CTNNAL1: variants seen among roughly 807,000 people sequenced by gnomAD.
CTNNAL1 encodes the protein catenin alpha like 1.
CTNNAL1 carries 69 observed loss-of-function variants against 93.6 expected under a neutral mutation model. The observed-to-expected ratio is 0.74, with a 90% CI of 0.61 to 0.90. The LOEUF is 0.90. Ranked by LOEUF, CTNNAL1 falls within the 40% of genes least tolerant of loss-of-function variation. The pLI is 0.00. For synonymous variants in CTNNAL1, 286 were observed against 305.4 expected (o/e 0.94, Z 0.66); for missense variants, 836 against 862.0 (o/e 0.97, Z 0.38).
At chr9:108,962,823 T>TA (rs1564128039) in intron 11 of CTNNAL1, among the ~76,000 whole-genome samples, 1 of 152,252 alleles carries the variant, frequency 6.6e-6, no homozygotes, top group African/African-American at 2.4e-5. Flanking sequence ...TCTTCACACT[T>TA]ACCATATTAG....
At chr9:108,982,383 G>C (rs533870047) in intron 6 of CTNNAL1, among the ~76,000 whole-genome samples, 1 of 152,290 alleles carries the variant, frequency 6.6e-6, no homozygotes, top group Non-Finnish European at 1.5e-5. Context: ...TATTACTGTT[G>C]ATTTTTAAAT....
intron 11 of CTNNAL1, among the ~76,000 whole-genome samples, chr9:108,962,268 G>C (rs900417530): frequency 6.6e-6 from 1 of 152,176 alleles, no homozygotes; most frequent in African/African-American, 2.4e-5. Context: ...AGAGATGGCA[G>C]CTACTATTAT....
Position 108,979,547 on chromosome 9 carries a change from G to GT in CTNNAL1, c.901-67dup, listed in dbSNP as rs1831366339. 4 of 1,471,012 alleles carry GT rather than the reference G, an allele frequency of 2.7e-6. No individual in the cohort carries two copies. In the Admixed American group the frequency reaches 7.4e-5, roughly 27 times the overall value. 91.1% of individuals were successfully genotyped at this position (1,471,012 alleles called of 1,614,324 possible). A position where few individuals can be genotyped will look rare whatever the true frequency, so the allele number is the denominator to read the frequency against. The stretch of plus-strand genomic sequence containing the variant: ...TATTCCCACCTGACCAAAATGGGCT[G>GT]TAATTTCTAACAGTGCCCAGGAAAA... On this transcript the variant is annotated intron_variant, in intron 6 of 18. Transcript: ENST00000325551.
chr9:108,957,116 A>G (rs961183745), intron 11 of CTNNAL1, among the ~76,000 whole-genome samples: 4 of 132,480 alleles, frequency 3.0e-5, no homozygotes, highest in Non-Finnish European at 6.5e-5. Flanking sequence ...GCCTGTTAGA[A>G]TTTTTTTTTT....
chr9:108,943,095 G>T lies in CTNNAL1; in HGVS notation c.2056-51C>A. 1.4e-6 allele frequency: 2 copies of T among 1,467,478 alleles called. 1 individual carries two copies. The highest frequency in any genetic ancestry group is 1.9e-6 in the Non-Finnish European group (2 of 1,074,152). The allele number at this position is 1,467,478 out of a possible 1,614,324, so 90.9% of individuals were successfully genotyped here. On this transcript the variant is annotated intron_variant, in intron 17 of 18. Transcript: ENST00000325551. ...GATATTCTAAAAGTAGTACTTAAAA[G>T]ACCTTACCATTTATTTAGTTTTAAC...
chr9:108,980,746 G>A (rs1392045746), intron 6 of CTNNAL1, among the ~76,000 whole-genome samples: 1 of 152,176 alleles, frequency 6.6e-6, no homozygotes, highest in African/African-American at 2.4e-5. Context: ...AATTAAATTT[G>A]AGAATTTAAA....
At chr9:108,985,038 T>C (rs1400293303) in intron 4 of CTNNAL1, among the ~76,000 whole-genome samples, 2 of 152,142 alleles carry the variant, frequency 1.3e-5, no homozygotes, top group Non-Finnish European at 2.9e-5. Flanking sequence ...TGTATTGAAT[T>C]TGTTTTGGTG....
chr9:108,960,959 G>A (rs1444204046), intron 11 of CTNNAL1, among the ~76,000 whole-genome samples: 2 of 152,134 alleles, frequency 1.3e-5, no homozygotes, highest in African/African-American at 2.4e-5. Flanking sequence ...TCAGTGTCTG[G>A]GGTTAAGGTG....
intron 10 of CTNNAL1, among the ~76,000 whole-genome samples, chr9:108,970,105 CATG>C (rs1465326891): frequency 1.3e-5 from 2 of 152,172 alleles, no homozygotes; most frequent in Admixed American, 1.3e-4. Context: ...CTTCTTATGT[CATG>C]ATAACTTAAT....
chr9:108,978,881 T>A (rs557743336), intron 7 of CTNNAL1, among the ~76,000 whole-genome samples: 1 of 152,332 alleles, frequency 6.6e-6, no homozygotes, highest in Admixed American at 6.5e-5. Context: ...ATTGTGTACA[T>A]GTGAATGGCT....
intron 8 of CTNNAL1, among the ~76,000 whole-genome samples, chr9:108,975,284 G>A (rs1011182574): frequency 1.3e-5 from 2 of 150,612 alleles, no homozygotes; most frequent in African/African-American, 4.9e-5. Flanking sequence ...CCTCCTCCAG[G>A]CATGCCTCAA....
intron 11 of CTNNAL1, among the ~76,000 whole-genome samples, chr9:108,964,923 C>T (rs186966523): frequency 9.9e-5 from 15 of 152,006 alleles, no homozygotes; most frequent in East Asian, 9.7e-4. Context: ...ACTGCAGTGG[C>T]GCCATCTCAG....
In CTNNAL1 at chr9:108,990,726, A is replaced by G. The variant is rs1330107893; in HGVS notation, c.639T>C (p.Asn213=). ...ATTGTAAAATGTGATGAATACATAC[A>G]TTTTGTCTATCTCCACTCAGATGTG... The part of the protein sequence containing the change: ...EFAHLSGDRQ[N]DLKDEKKKAK... Residue 213 remains asparagine, a splice_region_variant and synonymous_variant, in exon 4 of 19, where the codon AAT becomes AAC. Coordinates refer to ENST00000325551, the MANE Select transcript of CTNNAL1 (RefSeq NM_003798.4). 2 of 1,610,592 alleles carry G rather than the reference A, an allele frequency of 1.2e-6. No homozygotes were observed. The highest frequency in any genetic ancestry group is 2.2e-5 in the East Asian group (1 of 44,810).
In CTNNAL1 at chr9:109,008,876, C is replaced by CTTT. The variant is rs1162375548; in HGVS notation, c.141+4423_141+4425dup. ...GTTTTCCTTTTGATGAACAGAGGTT[C>CTTT]TTTTTTTTTTTTTTTTTTTTTTTTT... On this transcript the variant is annotated intron_variant, in intron 1 of 18. Coordinates refer to ENST00000325551, the MANE Select transcript of CTNNAL1 (RefSeq NM_003798.4). 3.8e-4 allele frequency among the ~76,000 whole-genome samples: 21 copies of CTTT among 54,892 alleles called. 1 individual carries two copies. The highest frequency in any genetic ancestry group is 6.5e-4 in the Admixed American group (3 of 4,600). The allele number at this position is 54,892 out of a possible 152,430, so 36.0% of individuals were successfully genotyped here.
chr9:108,982,550 A>T (rs902626458), intron 6 of CTNNAL1, among the ~76,000 whole-genome samples: 1 of 152,238 alleles, frequency 6.6e-6, no homozygotes, highest in Non-Finnish European at 1.5e-5. Flanking sequence ...ACAGGAAGGG[A>T]ACATTCTTTT....
At chr9:109,001,225 A>G (rs1245620643) in intron 1 of CTNNAL1, among the ~76,000 whole-genome samples, 2 of 151,878 alleles carry the variant, frequency 1.3e-5, no homozygotes, top group South Asian at 2.1e-4. Context: ...TATTACAGGA[A>G]GATACTTAAG....
chr9:108,948,069 AC>A, intron 15 of CTNNAL1, 116 bp downstream of exon 15: 1 of 1,162,116 alleles, frequency 8.6e-7, no homozygotes, highest in Admixed American at 2.6e-5. Context: ...TCTGTAATAC[AC>A]AGGTAGGTAC....
chr9:108,981,973 T>C (rs1831446726), intron 6 of CTNNAL1, among the ~76,000 whole-genome samples: 1 of 152,192 alleles, frequency 6.6e-6, no homozygotes, highest in Admixed American at 6.5e-5. Context: ...ATGGAAAGAA[T>C]GCCATTCTCA....
At chr9:108,946,076 G>A (rs1407630003) in intron 15 of CTNNAL1, among the ~76,000 whole-genome samples, 1 of 151,998 alleles carries the variant, frequency 6.6e-6, no homozygotes, top group Non-Finnish European at 1.5e-5. Flanking sequence ...TGAGGCGGGC[G>A]AATCACAAGG....
Sources: allele counts gnomAD v4.1 joint callset (sites outside exome capture counted in the v4.1 genomes callset), GRCh38; gene constraint gnomAD v4.1.1; transcripts MANE v1.5; gene names NCBI Gene and HGNC (gene_info 2026-07-23, HGNC 2026-07-21).